ASCC3: variants seen among roughly 807,000 people sequenced by gnomAD.
ASCC3 encodes the protein ASC-1 complex subunit P200.
ASCC3 carries 158 observed loss-of-function variants against 256.3 expected under a neutral mutation model. The observed-to-expected ratio is 0.62, with a 90% CI of 0.54 to 0.70. The LOEUF (loss-of-function observed/expected upper bound fraction) is 0.70. Ranked by LOEUF, ASCC3 falls within the 30% of genes least tolerant of loss-of-function variation. ASCC3 has a pLI of 0.00. For missense variants in ASCC3, 2,259 were observed against 2,626.0 expected, an observed-to-expected ratio of 0.86 and a Z score of 3.05; for synonymous variants, 948 against 883.4, an observed-to-expected ratio of 1.07 and a Z score of -1.30.
rs780628413 is a variant in ASCC3 at position 100,647,305 on chromosome 6, T to C, written c.3399A>G (p.Leu1133=). The C allele has an allele frequency of 6.2e-7, 1 of 1,614,022 alleles. No homozygotes were observed. Among genetic ancestry groups the C allele is most frequent in the East Asian group, 2.2e-5 (1 of 44,848 alleles). The change falls in exon 21 of 42, where the codon CTA becomes CTG. Residue 1133 remains leucine (L), a synonymous_variant. Transcript: ENST00000369162. ...WASPLRQFSI[L]PPHILTRLEE... ...CTAATCTTGTTAGGATGTGTGGTGG[T>C]AGGATTGAAAATTGTCTCAAAGGGC...
intron 1 of ASCC3, among the ~76,000 whole-genome samples, chr6:100,878,561 A>C (rs1280726161): frequency 6.6e-6 from 1 of 152,244 alleles, no homozygotes; most frequent in Non-Finnish European, 1.5e-5. Context: ...AACGAGCACA[A>C]GAAAACGTGG....
chr6:100,665,984 G>A (rs1255707066), intron 14 of ASCC3, among the ~76,000 whole-genome samples: 1 of 151,716 alleles, frequency 6.6e-6, no homozygotes, highest in Non-Finnish European at 1.5e-5. Flanking sequence ...TAAACTCTTC[G>A]CAACTACTAC....
chr6:100,741,368 A>G (rs1406978542), intron 10 of ASCC3, among the ~76,000 whole-genome samples: 1 of 151,896 alleles, frequency 6.6e-6, no homozygotes, highest in Non-Finnish European at 1.5e-5. Context: ...CTTGGGATTG[A>G]TCTTCTCATG....
At chr6:100,660,129 T>C (rs1187363153) in intron 16 of ASCC3, among the ~76,000 whole-genome samples, 1 of 151,662 alleles carries the variant, frequency 6.6e-6, no homozygotes, top group Non-Finnish European at 1.5e-5. Context: ...TATATTAATA[T>C]AGGGAAATGT....
intron 10 of ASCC3, among the ~76,000 whole-genome samples, chr6:100,739,662 T>C (rs1307641522): frequency 6.6e-6 from 1 of 152,186 alleles, no homozygotes; most frequent in East Asian, 1.9e-4. Flanking sequence ...GATCTAGTTT[T>C]GGGAAGGTAT....
At chr6:100,724,150 A>AC (rs1374619299) in intron 11 of ASCC3, among the ~76,000 whole-genome samples, 5 of 144,246 alleles carry the variant, frequency 3.5e-5, no homozygotes, top group Non-Finnish European at 7.6e-5. Flanking sequence ...CAAAAAAACA[A>AC]AAAAAAAAAC....
At chr6:100,600,238 C>T (rs1035020610) in intron 34 of ASCC3, among the ~76,000 whole-genome samples, 1 of 144,936 alleles carries the variant, frequency 6.9e-6, no homozygotes, top group African/African-American at 2.5e-5. Context: ...CACACACACA[C>T]AGTTGTAGAT....
At chr6:100,714,598 T>A (rs1320068968) in intron 13 of ASCC3, among the ~76,000 whole-genome samples, 1 of 152,116 alleles carries the variant, frequency 6.6e-6, no homozygotes. Context: ...TATAAGATAA[T>A]CTTACCAGCT....
chr6:100,808,357 G>C (rs1468371512), intron 4 of ASCC3, among the ~76,000 whole-genome samples: 3 of 151,812 alleles, frequency 2.0e-5, no homozygotes, highest in South Asian at 4.1e-4. Flanking sequence ...TGATATGCCA[G>C]ATTTTCATTG....
intron 1 of ASCC3, among the ~76,000 whole-genome samples, chr6:100,868,519 T>C (rs1245247387): frequency 2.0e-5 from 3 of 152,188 alleles, no homozygotes; most frequent in African/African-American, 7.2e-5. Context: ...GACCACCCCA[T>C]CTAAAACAGG....
intron 30 of ASCC3, among the ~76,000 whole-genome samples, chr6:100,621,695 C>A (rs1773960077): frequency 6.6e-6 from 1 of 152,140 alleles, no homozygotes; most frequent in Admixed American, 6.6e-5. Flanking sequence ...CCTCAAGGAT[C>A]TAGAGGCAGA....
rs370352190 is a variant in ASCC3, at chr6:100,661,788, T to C, written c.2703+18A>G. 4 of 1,607,824 alleles carry C rather than the reference T, an allele frequency of 2.5e-6. No homozygotes were observed. Among genetic ancestry groups the C allele is most frequent in the Non-Finnish European group, 3.4e-6 (4 of 1,174,828 alleles). On this transcript the variant is annotated intron_variant, in intron 16 of 41. Transcript: ENST00000369162. The stretch of plus-strand genomic sequence containing the variant: ...AGGCTGATGATTCTATTCCAAACTT[T>C]TACTCATTAGATCTTACCTCTGCAT...
At chr6:100,688,569 A>C (rs561902028) in intron 13 of ASCC3, among the ~76,000 whole-genome samples, 1 of 152,296 alleles carries the variant, frequency 6.6e-6, no homozygotes, top group East Asian at 1.9e-4. Context: ...TTCCAGATAC[A>C]AGTGCTGTGA....
At chr6:100,523,579 T>C (rs899612525) in intron 37 of ASCC3, among the ~76,000 whole-genome samples, 2 of 152,122 alleles carry the variant, frequency 1.3e-5, no homozygotes, top group Admixed American at 1.3e-4. Flanking sequence ...TTTTTAAAGG[T>C]GTGGGGTTCC....
rs1775170670 is a variant in ASCC3 at position 100,642,432 on chromosome 6, G to T, written c.3901+149C>A. ...GTTTTACAGAGAGAACAGATTAAAT[G>T]ATGAATGACAAATGAAATAAAAAGG... is the stretch of plus-strand genomic sequence containing the variant. On this transcript the variant is annotated intron_variant, in intron 24 of 41. Transcript: ENST00000369162. The T allele has an allele frequency of 1.3e-5, 11 of 832,396 alleles. No individual in the cohort carries two copies. The South Asian group carries it at 1.6e-4, about 12-fold the overall frequency. The allele number at this position is 832,396 out of a possible 1,614,324, so 51.6% of individuals were successfully genotyped here.
chr6:100,843,047 C>A (rs914334755), intron 4 of ASCC3, among the ~76,000 whole-genome samples: 2 of 151,872 alleles, frequency 1.3e-5, no homozygotes, highest in Non-Finnish European at 2.9e-5. Context: ...AGTAAAAATT[C>A]AATTTTAATT....
At chr6:100,573,075 T>C (rs193181110) in intron 36 of ASCC3, among the ~76,000 whole-genome samples, 36 of 152,142 alleles carry the variant, frequency 2.4e-4, no homozygotes, top group Non-Finnish European at 4.1e-4. Context: ...CATAATATTG[T>C]AGGGCTCTGC....
At chr6:100,704,996 G>A (rs1344305500) in intron 13 of ASCC3, among the ~76,000 whole-genome samples, 1 of 152,036 alleles carries the variant, frequency 6.6e-6, no homozygotes, top group African/African-American at 2.4e-5. Context: ...ACAGGAGGAG[G>A]GGAATTATTA....
chr6:100,516,064 G>A, intron 39 of ASCC3, 116 bp downstream of exon 39: 1 of 1,240,540 alleles, frequency 8.1e-7, no homozygotes, highest in Non-Finnish European at 1.2e-6. Context: ...GTAAATGGCA[G>A]AGACAATTTA....
Sources: allele counts gnomAD v4.1 joint callset (sites outside exome capture counted in the v4.1 genomes callset), GRCh38; gene constraint gnomAD v4.1.1; transcripts MANE v1.5; gene names NCBI Gene and HGNC (gene_info 2026-07-23, HGNC 2026-07-21).